Variants in HHLA2 observed in about 807,000 individuals in gnomAD.
HHLA2 encodes HERV-H LTR-associating protein 2.
HHLA2 carries 48 observed loss-of-function variants against 45.9 expected under a neutral mutation model. The observed-to-expected ratio is 1.05, with a 90% CI of 0.83 to 1.33. The LOEUF (loss-of-function observed/expected upper bound fraction) is 1.33, where lower values mean the gene tolerates loss of function less well. HHLA2 is among the 40% of genes most tolerant of loss of function. HHLA2 has a pLI of 0.00. For synonymous variants in HHLA2, 161 were observed against 173.9 expected (o/e 0.93, Z 0.59); for missense variants, 462 against 494.3 (o/e 0.93, Z 0.62).
At chr3:108,361,446 A>G (rs2081983539) in intron 7 of HHLA2, among the ~76,000 whole-genome samples, 1 of 152,110 alleles carries the variant, frequency 6.6e-6, no homozygotes, top group Admixed American at 6.6e-5. Flanking sequence ...GTGATCAAGT[A>G]ACCCTTATTT....
chr3:108,374,548 C>A (rs1248051072), intron 8 of HHLA2, among the ~76,000 whole-genome samples: 2 of 151,172 alleles, frequency 1.3e-5, no homozygotes, highest in Admixed American at 6.6e-5. Flanking sequence ...AGGCAACCTA[C>A]AGAATGGGAG....
intron 1 of HHLA2, among the ~76,000 whole-genome samples, chr3:108,299,604 G>A (rs1438738077): frequency 6.6e-6 from 1 of 152,090 alleles, no homozygotes; most frequent in Non-Finnish European, 1.5e-5. Context: ...ACGCTGAGTG[G>A]AGTAAAAGTA....
At chr3:108,310,308 A>G (rs1159487398) in intron 1 of HHLA2, among the ~76,000 whole-genome samples, 1 of 152,200 alleles carries the variant, frequency 6.6e-6, no homozygotes, top group Non-Finnish European at 1.5e-5. Context: ...TACATTTTAC[A>G]TATTACCTTC....
intron 1 of HHLA2, among the ~76,000 whole-genome samples, chr3:108,298,175 T>G (rs932530254): frequency 2.0e-5 from 3 of 152,178 alleles, no homozygotes; most frequent in African/African-American, 7.2e-5. Context: ...GAAGACCAAT[T>G]GCCTATTCAA....
Position 108,341,234 on chromosome 3 carries a change from T to C in HHLA2, c.-26-10554T>C, listed in dbSNP as rs1313850366. ...TCCCAAAATGCTGGGATTACAGGGA[T>C]GAGCCACCACGCCCAGCCTCAAACT... On this transcript the variant is annotated intron_variant, in intron 3 of 10. Transcript: ENST00000619531. Among the ~76,000 whole-genome samples the C allele has an allele frequency of 2.6e-5, 4 of 152,226 alleles. No individual in the cohort carries two copies. The East Asian group carries it at 7.7e-4, about 29-fold the overall frequency.
chr3:108,375,930 A>G (rs915434842), intron 9 of HHLA2, 130 bp downstream of exon 8: 42 of 1,225,908 alleles, frequency 3.4e-5, no homozygotes, highest in Non-Finnish European at 4.2e-5. Context: ...CTGCAGTGAG[A>G]TGGGCTGAAA....
At chr3:108,324,182 T>C (rs1362424749) in intron 2 of HHLA2, among the ~76,000 whole-genome samples, 1 of 152,186 alleles carries the variant, frequency 6.6e-6, no homozygotes, top group African/African-American at 2.4e-5. Flanking sequence ...TAGCCCCTTC[T>C]CATAAATACC....
chr3:108,372,870 T>C (rs1013148729), intron 8 of HHLA2, among the ~76,000 whole-genome samples: 5 of 152,176 alleles, frequency 3.3e-5, no homozygotes, highest in Admixed American at 6.5e-5. Context: ...CAGGACCAGA[T>C]GGATTCACAG....
At chr3:108,366,191 G>C (rs2082060352) in intron 8 of HHLA2, among the ~76,000 whole-genome samples, 3 of 152,280 alleles carry the variant, frequency 2.0e-5, no homozygotes, top group African/African-American at 7.2e-5. Context: ...AGCATGAAGT[G>C]GTGTTGAATT....
At chr3:108,372,813 C>A (rs1246390467) in intron 8 of HHLA2, among the ~76,000 whole-genome samples, 1 of 152,166 alleles carries the variant, frequency 6.6e-6, no homozygotes, top group South Asian at 2.1e-4. Flanking sequence ...CAATAACAGG[C>A]TCTGAAATTG....
intron 2 of HHLA2, among the ~76,000 whole-genome samples, chr3:108,312,842 G>A (rs1486288501): frequency 2.0e-5 from 3 of 152,168 alleles, no homozygotes; most frequent in African/African-American, 7.2e-5. Flanking sequence ...TGAACTAAGA[G>A]TATATTTTAC....
intron 3 of HHLA2, among the ~76,000 whole-genome samples, chr3:108,333,968 G>C (rs553174335): frequency 7.2e-5 from 11 of 152,266 alleles, no homozygotes; most frequent in Non-Finnish European, 1.2e-4. Context: ...TCTGCTTCAG[G>C]ACCCAGAAGA....
At chr3:108,339,922 A>C (rs527598795) in intron 3 of HHLA2, among the ~76,000 whole-genome samples, 32 of 152,326 alleles carry the variant, frequency 2.1e-4, no homozygotes, top group African/African-American at 7.5e-4. Context: ...AGGATTGGTA[A>C]GAAAGAAAAA....
intron 8 of HHLA2, among the ~76,000 whole-genome samples, chr3:108,366,104 T>C (rs2082059340): frequency 6.6e-6 from 1 of 152,258 alleles, no homozygotes; most frequent in Non-Finnish European, 1.5e-5. Context: ...AGTATGATAT[T>C]GGCTATGGGT....
intron 8 of HHLA2, among the ~76,000 whole-genome samples, chr3:108,365,887 A>G (rs1182500236): frequency 6.6e-6 from 1 of 152,236 alleles, no homozygotes; most frequent in Non-Finnish European, 1.5e-5. Flanking sequence ...TTTTGGGCTG[A>G]GACAATGGGG....
At chr3:108,350,312 T>G (rs970309016) in intron 3 of HHLA2, among the ~76,000 whole-genome samples, 1 of 152,188 alleles carries the variant, frequency 6.6e-6, no homozygotes, top group African/African-American at 2.4e-5. Flanking sequence ...AGTATTTCTA[T>G]ATTTTGTTGC....
chr3:108,359,158 T>C (rs534390519), intron 7 of HHLA2, among the ~76,000 whole-genome samples: 2 of 152,090 alleles, frequency 1.3e-5, no homozygotes, highest in African/African-American at 4.8e-5. Flanking sequence ...TGTTGCCTCA[T>C]GTTGGATTAA....
At chr3:108,341,916 G>C (rs1167420610) in intron 3 of HHLA2, among the ~76,000 whole-genome samples, 2 of 152,110 alleles carry the variant, frequency 1.3e-5, no homozygotes, top group African/African-American at 4.8e-5. Flanking sequence ...AGAAGCTCCA[G>C]CTCCAGACAT....
intron 2 of HHLA2, among the ~76,000 whole-genome samples, chr3:108,318,180 CAA>C (rs55796552): frequency 6.2e-4 from 76 of 122,428 alleles, no homozygotes; most frequent in African/African-American, 1.3e-3. Flanking sequence ...GACTCCATCT[CAA>C]AAAAAAAAAA....
Sources: gnomAD v4.1 joint callset for allele counts (sites outside exome capture counted in the v4.1 genomes callset) on GRCh38, gnomAD v4.1.1 for gene constraint, MANE v1.5 for transcripts, NCBI Gene and HGNC (gene_info 2026-07-23, HGNC 2026-07-21) for gene names.